The following BLVRA variants were observed in gnomAD, a reference collection of about 807,000 sequenced individuals.
BLVRA encodes BVR A.
A neutral mutation model predicts 32.8 loss-of-function variants in BLVRA; 22 were observed. The ratio of observed to expected loss-of-function variants is 0.67; its 90% confidence interval spans 0.48 to 0.96. The LOEUF (loss-of-function observed/expected upper bound fraction) is 0.96, where lower values mean the gene tolerates loss of function less well. Ranked by LOEUF, BLVRA falls within the 40% of genes least tolerant of loss-of-function variation. The pLI is 0.00. For synonymous variants in BLVRA, 119 were observed against 141.3 expected (o/e 0.84, Z 1.12); for missense variants, 323 against 358.1 (o/e 0.90, Z 0.79).
At chr7:43,785,535 G>A (rs1340619752) in intron 2 of BLVRA, among the ~76,000 whole-genome samples, 2 of 152,166 alleles carry the variant, frequency 1.3e-5, no homozygotes, top group South Asian at 2.1e-4. Flanking sequence ...AAACTTGCAA[G>A]GCTGAAGAAA....
intron 2 of BLVRA, among the ~76,000 whole-genome samples, chr7:43,786,929 T>A (rs2095778382): frequency 6.7e-6 from 1 of 148,438 alleles, no homozygotes; most frequent in Non-Finnish European, 1.5e-5. Context: ...TGGAGATAAT[T>A]TTTTTTTTTT....
intron 2 of BLVRA, among the ~76,000 whole-genome samples, chr7:43,777,489 GTA>G (rs1456725966): frequency 6.6e-6 from 1 of 152,164 alleles, no homozygotes; most frequent in Admixed American, 6.5e-5. Context: ...CTTCTGGCTT[GTA>G]GAGTTTCTGC....
At chr7:43,777,376 G>A (rs2095762548) in intron 2 of BLVRA, among the ~76,000 whole-genome samples, 1 of 150,344 alleles carries the variant, frequency 6.7e-6, no homozygotes. Flanking sequence ...TGTCTGTAAA[G>A]TATTTTATTT....
chr7:43,802,582 C>T (rs958927086), intron 6 of BLVRA, among the ~76,000 whole-genome samples: 7 of 152,098 alleles, frequency 4.6e-5, no homozygotes, highest in Admixed American at 6.6e-5. Flanking sequence ...ACTGTAACCT[C>T]GAACTCCTCA....
chr7:43,774,001 G>C (rs1313387779), intron 2 of BLVRA, among the ~76,000 whole-genome samples: 1 of 152,016 alleles, frequency 6.6e-6, no homozygotes, highest in African/African-American at 2.4e-5. Flanking sequence ...TTTTTTTCTT[G>C]TAAATTTGTT....
intron 2 of BLVRA, among the ~76,000 whole-genome samples, chr7:43,772,764 C>T (rs2095756023): frequency 2.0e-5 from 3 of 152,182 alleles, no homozygotes; most frequent in Admixed American, 2.0e-4. Flanking sequence ...ATAAAACCAT[C>T]AGATCTCGTG....
At chr7:43,767,298 C>T in intron 1 of BLVRA, 1 of 1,219,626 alleles carries the variant, frequency 8.2e-7, no homozygotes, top group Non-Finnish European at 1.2e-6. Context: ...CTGTGGAGCA[C>T]CCAGATAAAG....
intron 1 of BLVRA, among the ~76,000 whole-genome samples, chr7:43,760,488 G>A (rs2095741070): frequency 6.6e-6 from 1 of 152,152 alleles, no homozygotes; most frequent in South Asian, 2.1e-4. Flanking sequence ...GCGTATCCAG[G>A]ACTCTGATGA....
chr7:43,806,133 T>C (rs1280001526), intron 7 of BLVRA, among the ~76,000 whole-genome samples: 3 of 151,616 alleles, frequency 2.0e-5, no homozygotes, highest in Non-Finnish European at 4.4e-5. Flanking sequence ...GCCAACATGG[T>C]GAAACCTTGT....
intron 6 of BLVRA, among the ~76,000 whole-genome samples, chr7:43,801,490 C>A (rs2095798651): frequency 6.6e-6 from 1 of 152,172 alleles, no homozygotes; most frequent in Non-Finnish European, 1.5e-5. Context: ...AGAAAGGAGA[C>A]CCTGACATGG....
At chr7:43,784,455 T>G (rs916535372) in intron 2 of BLVRA, among the ~76,000 whole-genome samples, 1 of 152,186 alleles carries the variant, frequency 6.6e-6, no homozygotes, top group Non-Finnish European at 1.5e-5. Context: ...ATTTGCAGTT[T>G]CCCTTCAGAA....
intron 2 of BLVRA, among the ~76,000 whole-genome samples, chr7:43,784,897 C>T (rs1359262853): frequency 6.6e-6 from 1 of 152,186 alleles, no homozygotes; most frequent in Non-Finnish European, 1.5e-5. Flanking sequence ...ACATGAGCTA[C>T]TGCACTGGGC....
chr7:43,769,765 C>T (rs2095752430), intron 1 of BLVRA, among the ~76,000 whole-genome samples: 1 of 152,152 alleles, frequency 6.6e-6, no homozygotes, highest in Non-Finnish European at 1.5e-5. Context: ...TGCGCCACCA[C>T]ACCCGGCTAA....
intron 2 of BLVRA, among the ~76,000 whole-genome samples, chr7:43,779,928 C>T (rs1235051206): frequency 6.6e-6 from 1 of 151,616 alleles, no homozygotes; most frequent in African/African-American, 2.4e-5. Flanking sequence ...AGCTGGAGTA[C>T]AGTGGCGTGA....
intron 1 of BLVRA, chr7:43,767,635 T>C: frequency 1.2e-6 from 1 of 800,624 alleles, no homozygotes; most frequent in South Asian, 1.3e-5. Flanking sequence ...TAAATTCATT[T>C]TTTAAAATGA....
intron 2 of BLVRA, among the ~76,000 whole-genome samples, chr7:43,786,226 T>C (rs1445409179): frequency 6.6e-6 from 1 of 151,992 alleles, no homozygotes; most frequent in African/African-American, 2.4e-5. Context: ...TCAACAGAAA[T>C]TGGGAATGGA....
intron 2 of BLVRA, among the ~76,000 whole-genome samples, chr7:43,774,746 C>G (rs1193822968): frequency 1.3e-5 from 2 of 152,128 alleles, no homozygotes; most frequent in Admixed American, 6.5e-5. Context: ...GCCATTTTCA[C>G]GATATTGATT....
chr7:43,767,531 C>A, intron 1 of BLVRA: 1 of 1,137,986 alleles, frequency 8.8e-7, no homozygotes, highest in Non-Finnish European at 1.3e-6. Context: ...CCATGTGGTG[C>A]TGGCCCTCTT....
At chr7:43,767,400 G>T in intron 1 of BLVRA, 1 of 1,600,856 alleles carries the variant, frequency 6.2e-7, no homozygotes, top group Admixed American at 1.7e-5. Context: ...CAGCTTTAAT[G>T]ATCACTGTTC....
Sources: gnomAD v4.1 joint callset for allele counts (sites outside exome capture counted in the v4.1 genomes callset) on GRCh38, gnomAD v4.1.1 for gene constraint, MANE v1.5 for transcripts, NCBI Gene and HGNC (gene_info 2026-07-23, HGNC 2026-07-21) for gene names.